NTRK3: variants seen among roughly 807,000 people sequenced by gnomAD.
The protein encoded by NTRK3 is NT-3 growth factor receptor.
A neutral mutation model predicts 91.7 loss-of-function variants in NTRK3; 24 were observed. That is an observed-to-expected ratio of 0.26 (90% CI 0.19 to 0.37). The LOEUF is 0.37. Among genes scored for constraint, NTRK3 ranks in the 10% least tolerant of loss-of-function variants. The pLI is 1.00. For synonymous variants in NTRK3, 483 were observed against 404.0 expected (o/e 1.20, Z -2.34); for missense variants, 880 against 1,068.9 (o/e 0.82, Z 2.46).
chr15:87,949,622 TC>T (rs1245224940), intron 14 of NTRK3, among the ~76,000 whole-genome samples: 3 of 152,046 alleles, frequency 2.0e-5, no homozygotes. Context: ...GTGTCCCTGC[TC>T]CCCAGTGCTA....
intron 14 of NTRK3, among the ~76,000 whole-genome samples, chr15:88,025,438 A>C (rs1184965606): frequency 6.6e-6 from 1 of 152,224 alleles, no homozygotes; most frequent in East Asian, 1.9e-4. Context: ...TTACAATGTA[A>C]ACTTTATTTA....
chr15:88,049,953 G>A (rs947615510), intron 13 of NTRK3, among the ~76,000 whole-genome samples: 4 of 152,152 alleles, frequency 2.6e-5, no homozygotes, highest in African/African-American at 2.4e-5. Context: ...TGCTCCTGAC[G>A]CTCATAGATG....
chr15:88,149,658 A>C (rs745483642), intron 5 of NTRK3, among the ~76,000 whole-genome samples: 4 of 152,210 alleles, frequency 2.6e-5, no homozygotes, highest in Non-Finnish European at 4.4e-5. Context: ...ACCTGAGGAC[A>C]CCACCTGGGG....
At chr15:87,906,696 C>A (rs746999444) in intron 17 of NTRK3, among the ~76,000 whole-genome samples, 1 of 152,126 alleles carries the variant, frequency 6.6e-6, no homozygotes, top group Non-Finnish European at 1.5e-5. Flanking sequence ...TAAAATATTT[C>A]GTATTCTTTA....
chr15:88,215,613 G>T (rs1246556780), intron 3 of NTRK3, among the ~76,000 whole-genome samples: 1 of 152,172 alleles, frequency 6.6e-6, no homozygotes, highest in African/African-American at 2.4e-5. Context: ...TAGAATGAGA[G>T]ATCCAGAAAT....
chr15:88,060,383 CAAA>C lies in NTRK3; in HGVS notation c.1397-27341_1397-27339del, dbSNP rs11289394. ...TGGGTGACAGAATGAGACTCCATCTCAAAAAAAAAAAAAAAAAAAAGTAGGGGG... is the reference window on the plus strand; with the variant it reads ...TGGGTGACAGAATGAGACTCCATCTCAAAAAAAAAAAAAAAAAGTAGGGGG... On this transcript the variant is annotated intron_variant, in intron 13 of 18. Transcript: ENST00000394480. Among the ~76,000 whole-genome samples the C allele has an allele frequency of 1.6e-4, 14 of 86,308 alleles. 1 individual carries two copies. Among genetic ancestry groups the C allele is most frequent in the African/African-American group, 4.7e-4 (11 of 23,388 alleles). 56.6% of individuals were successfully genotyped at this position (86,308 alleles called of 152,430 possible). A position where few individuals can be genotyped will look rare whatever the true frequency, so the allele number is the denominator to read the frequency against.
intron 5 of NTRK3, among the ~76,000 whole-genome samples, chr15:88,177,505 G>A (rs2046106854): frequency 6.6e-6 from 1 of 152,216 alleles, no homozygotes; most frequent in Admixed American, 6.5e-5. Flanking sequence ...GAGTAGGCAG[G>A]TAAAGGAAAG....
rs946392910 is a variant in NTRK3, at chr15:88,234,662, A to G, written c.248+21244T>C. On this transcript the variant is annotated intron_variant, in intron 3 of 18. Coordinates refer to ENST00000394480, the Ensembl canonical transcript of NTRK3. This position sits in a 1 kb window ranked among gnomAD's most constrained non-coding sequence, Gnocchi z 6.1. ...CTGGATTAAGCACCCCCTCACAGAA[A>G]TCTGTACAACCTTGTGCTTCTTTCT... Among the ~76,000 whole-genome samples, 2 of 152,122 alleles carry G rather than the reference A, an allele frequency of 1.3e-5. No individual in the cohort carries two copies. Among genetic ancestry groups the G allele is most frequent in the Admixed American group, 6.5e-5 (1 of 15,278 alleles).
At chr15:87,968,671 G>C (rs956901304) in intron 14 of NTRK3, among the ~76,000 whole-genome samples, 15 of 152,130 alleles carry the variant, frequency 9.9e-5, no homozygotes, top group Non-Finnish European at 1.5e-5. Flanking sequence ...CCCCTAAACT[G>C]ACCAAAAGTT....
At chr15:88,083,574 G>C (rs1184642904) in intron 13 of NTRK3, among the ~76,000 whole-genome samples, 4 of 152,116 alleles carry the variant, frequency 2.6e-5, no homozygotes, top group African/African-American at 9.7e-5. Flanking sequence ...GTGTTGCCTG[G>C]AAGGGTTAAG....
At chr15:88,213,575 G>C (rs2049456571) in intron 3 of NTRK3, among the ~76,000 whole-genome samples, 1 of 152,162 alleles carries the variant, frequency 6.6e-6, no homozygotes, top group African/African-American at 2.4e-5. Flanking sequence ...TTCAGAAGCG[G>C]GAGTGTAGAT....
At chr15:87,863,051 C>G (rs1198832181) in exon 19 of NTRK3, 1 of 230,756 alleles carries the variant, frequency 4.3e-6, no homozygotes, top group Non-Finnish European at 8.6e-6. Context: ...GTTTACAAGT[C>G]AGTGGTATGT....
At chr15:88,026,773 G>T (rs976823948) in intron 14 of NTRK3, among the ~76,000 whole-genome samples, 1 of 152,202 alleles carries the variant, frequency 6.6e-6, no homozygotes, top group African/African-American at 2.4e-5. Flanking sequence ...TGTACTTTCT[G>T]AAATTGTTGT....
chr15:88,115,086 TTG>T (rs1169965625), intron 13 of NTRK3, among the ~76,000 whole-genome samples: 1 of 152,186 alleles, frequency 6.6e-6, no homozygotes, highest in Non-Finnish European at 1.5e-5. Flanking sequence ...GCATGGGCTT[TTG>T]TGATTTTAGG....
chr15:87,898,368 T>G (rs570141316), intron 17 of NTRK3, among the ~76,000 whole-genome samples: 154 of 152,240 alleles, frequency 1.0e-3, no homozygotes, highest in Non-Finnish European at 1.7e-3. Flanking sequence ...GGAAGCAGTT[T>G]AAAGGAGCTG....
At chr15:88,136,157 T>C in intron 8 of NTRK3, 117 bp from the exon 9 acceptor site, 3 of 1,346,628 alleles carry the variant, frequency 2.2e-6, no homozygotes, top group Non-Finnish European at 3.2e-6. Flanking sequence ...GCGAAGGAGA[T>C]CTTTGTGTGA....
At chr15:88,181,499 A>G (rs559376569) in intron 5 of NTRK3, among the ~76,000 whole-genome samples, 6 of 152,210 alleles carry the variant, frequency 3.9e-5, no homozygotes, top group South Asian at 4.2e-4. Flanking sequence ...CATCTCCCTA[A>G]GAGCTGCAGG....
chr15:88,181,582 G>A lies in NTRK3; in HGVS notation c.395+1836C>T, dbSNP rs148693588. ...CCTCAAAGAGAACAGGGTTTGTCTC[G>A]CATCAACAGCATCCCTCCCCCAAAT... On this transcript the variant is annotated intron_variant, in intron 5 of 18. Transcript: ENST00000394480. 2.0e-3 allele frequency among the ~76,000 whole-genome samples: 308 copies of A among 152,274 alleles called. 1 individual carries two copies. The highest frequency in any genetic ancestry group is 7.0e-3 in the African/African-American group (291 of 41,550).
intron 6 of NTRK3, among the ~76,000 whole-genome samples, chr15:88,144,421 C>A (rs2042686772): frequency 6.6e-6 from 1 of 152,092 alleles, no homozygotes; most frequent in African/African-American, 2.4e-5. Context: ...GGTCTTGGTG[C>A]ACTGCAGGAA....
Sources: allele counts gnomAD v4.1 joint callset (sites outside exome capture counted in the v4.1 genomes callset), GRCh38; gene constraint gnomAD v4.1.1; non-coding constraint Gnocchi (gnomAD v3.1); transcripts MANE v1.5; gene names NCBI Gene and HGNC (gene_info 2026-07-23, HGNC 2026-07-21).